B4GALNT3: variants seen among roughly 807,000 people sequenced by gnomAD.
B4GALNT3 encodes the protein beta-1,4-N-acetyl-galactosaminyltransferase 3, also known as beta-1,4-N-acetylgalactosaminyltransferase 3.
Under a neutral mutation model 120.2 loss-of-function variants are expected in B4GALNT3, and 86 were observed. The ratio of observed to expected loss-of-function variants is 0.72; its 90% CI spans 0.60 to 0.86. The LOEUF (loss-of-function observed/expected upper bound fraction) is 0.86. Among genes scored for constraint, B4GALNT3 ranks in the 40% least tolerant of loss-of-function variants. B4GALNT3 has a pLI of 0.00. For missense variants in B4GALNT3, 1,167 were observed against 1,298.9 expected (o/e 0.90, Z 1.56); for synonymous variants, 518 against 510.4 (o/e 1.01, Z -0.20).
intron 1 of B4GALNT3, among the ~76,000 whole-genome samples, chr12:534,791 A>G (rs1327910160): frequency 1.3e-5 from 2 of 152,180 alleles, no homozygotes; most frequent in African/African-American, 4.8e-5. Flanking sequence ...ACTGAGCAGG[A>G]AGGGAAGAGT....
intron 1 of B4GALNT3, among the ~76,000 whole-genome samples, chr12:529,042 C>T (rs1229867448): frequency 1.3e-5 from 2 of 152,184 alleles, no homozygotes; most frequent in Non-Finnish European, 2.9e-5. Flanking sequence ...TGGTGGTGTA[C>T]ATGGAACCAG....
At position 549,828 on chromosome 12, in the gene B4GALNT3, G is replaced by A. The variant is rs1219126307; in HGVS notation, c.913G>A (p.Val305Met). 1.9e-6 allele frequency: 3 copies of A among 1,613,678 alleles called. No homozygotes were observed. The highest frequency in any genetic ancestry group is 2.7e-5 in the African/African-American group (2 of 74,908). The change falls in exon 10 of 20, where the codon GTG becomes ATG. Residue 305 changes from valine (V) to methionine (M), a missense_variant. Physicochemically the swap from Val to Met is conservative, Grantham distance 21. Transcript: ENST00000266383. Reference sequence around the variant, plus strand: ...CATCCCACAGACAGCAGCCAGCCACGTGGACTCCTCCAACGCTCTTCCCAG... The same window carrying A: ...CATCCCACAGACAGCAGCCAGCCACATGGACTCCTCCAACGCTCTTCCCAG... ...GHIPQTAASH[V>M]DSSNALPRDE...
At chr12:506,107 AT>A (rs11302946) in intron 1 of B4GALNT3, among the ~76,000 whole-genome samples, 111,363 of 150,402 alleles carry the variant, frequency 0.74, 41,395 homozygotes, top group East Asian at 0.82. Context: ...TGCAGTTCAG[AT>A]TTTTTTTTTT....
chr12:527,149 A>C (rs1946765574), intron 1 of B4GALNT3, among the ~76,000 whole-genome samples: 1 of 152,030 alleles, frequency 6.6e-6, no homozygotes, highest in Non-Finnish European at 1.5e-5. Flanking sequence ...GCTGGTCTCG[A>C]ACTCTTGAAC....
chr12:536,626 G>C (rs919302598), intron 3 of B4GALNT3, among the ~76,000 whole-genome samples: 6 of 152,194 alleles, frequency 3.9e-5, no homozygotes, highest in Non-Finnish European at 5.9e-5. Flanking sequence ...GGGATTACAG[G>C]TGGGCATTAC....
Position 550,304 on chromosome 12 carries a change from C to G in B4GALNT3, c.997+392C>G, listed in dbSNP as rs914901334. The stretch of plus-strand genomic sequence containing the variant: ...GTGTTAGAGTCTTAATGCATGATTC[C>G]TCTTGGGAGTGTTTACATTTTAAAA... On this transcript the variant is annotated intron_variant, in intron 10 of 19. Coordinates refer to ENST00000266383, the MANE Select transcript of B4GALNT3 (RefSeq NM_173593.4). The surrounding 1 kb of genome is among the most constrained non-coding windows in gnomAD (Gnocchi z 4.1). Among the ~76,000 whole-genome samples, 18 of 152,124 alleles carry G rather than the reference C, an allele frequency of 1.2e-4. No homozygotes were observed. The highest frequency in any genetic ancestry group is 3.9e-4 in the African/African-American group (16 of 41,408).
At chr12:469,700 GCACAGCAA>G (rs1235059837) in intron 1 of B4GALNT3, among the ~76,000 whole-genome samples, 1 of 152,166 alleles carries the variant, frequency 6.6e-6, no homozygotes, top group Admixed American at 6.5e-5. Context: ...GGACACAGAA[GCACAGCAA>G]CTGGGAAGCG....
chr12:470,645 G>A (rs1234183642), intron 1 of B4GALNT3, among the ~76,000 whole-genome samples: 4 of 152,234 alleles, frequency 2.6e-5, no homozygotes, highest in Non-Finnish European at 5.9e-5. Flanking sequence ...GCAGAAGGCA[G>A]GGGACGTTGC....
At chr12:464,130 C>T (rs1023315920) in intron 1 of B4GALNT3, among the ~76,000 whole-genome samples, 2 of 152,138 alleles carry the variant, frequency 1.3e-5, no homozygotes, top group African/African-American at 2.4e-5. Context: ...ACTCAGAGGG[C>T]CTGGGGCAGC....
At chr12:552,833 T>C (rs1003021619) in intron 13 of B4GALNT3, 42 of 491,282 alleles carry the variant, frequency 8.5e-5, no homozygotes, top group African/African-American at 8.0e-4. Context: ...ATTTGGGAGG[T>C]TCTGGTTTAG....
chr12:507,747 G>A (rs1349800307), intron 1 of B4GALNT3, among the ~76,000 whole-genome samples: 1 of 152,230 alleles, frequency 6.6e-6, no homozygotes, highest in Non-Finnish European at 1.5e-5. Context: ...CCAGCTGTAG[G>A]GCCCGTGACT....
intron 3 of B4GALNT3, among the ~76,000 whole-genome samples, chr12:538,450 T>C (rs1946882729): frequency 6.6e-6 from 1 of 151,292 alleles, no homozygotes; most frequent in Admixed American, 6.6e-5. Flanking sequence ...TCCCAGCTAC[T>C]TGGGGGGCTG....
intron 5 of B4GALNT3, 91 bp from the exon 6 acceptor site, chr12:545,278 G>T (rs989516459): frequency 3.2e-5 from 48 of 1,512,980 alleles, no homozygotes; most frequent in Middle Eastern, 1.7e-4. Flanking sequence ...AGCACTGAAG[G>T]GAATTTAATC....
rs1249649290 is a variant in B4GALNT3 at position 460,936 on chromosome 12, G to A, written c.169+391G>A. Reference sequence around the variant, plus strand: ...CCGTGGGGTCCACGCGCGAGCTAGGGATTCGGGTGCGGGATGCCCTCGGCC... The same window carrying A: ...CCGTGGGGTCCACGCGCGAGCTAGGAATTCGGGTGCGGGATGCCCTCGGCC... On this transcript the variant is annotated intron_variant, in intron 1 of 19. Coordinates refer to ENST00000266383, the MANE Select transcript of B4GALNT3 (RefSeq NM_173593.4). This position sits in a 1 kb window ranked among gnomAD's most constrained non-coding sequence, Gnocchi z 8.0. Among the ~76,000 whole-genome samples, 1 of 152,180 alleles carries A rather than the reference G, an allele frequency of 6.6e-6. No individual in the cohort carries two copies. The highest frequency in any genetic ancestry group is 1.5e-5 in the Non-Finnish European group (1 of 68,026).
intron 19 of B4GALNT3, among the ~76,000 whole-genome samples, chr12:560,617 G>A (rs1947218015): frequency 6.6e-6 from 1 of 152,298 alleles, no homozygotes; most frequent in South Asian, 2.1e-4. Flanking sequence ...ATAACTGGGA[G>A]CTCATAAAAA....
intron 1 of B4GALNT3, among the ~76,000 whole-genome samples, chr12:485,615 G>C (rs555960922): frequency 3.3e-5 from 5 of 152,172 alleles, no homozygotes; most frequent in African/African-American, 1.2e-4. Context: ...CCTCAGCTAC[G>C]AATGGGATTG....
At chr12:524,937 T>C (rs1946746839) in intron 1 of B4GALNT3, among the ~76,000 whole-genome samples, 1 of 150,420 alleles carries the variant, frequency 6.6e-6, no homozygotes, top group Non-Finnish European at 1.5e-5. Context: ...GTGTTAAACC[T>C]GCCACTATCT....
chr12:554,789 CAAAAAAAAAAAAAAAA>C (rs57194028), intron 14 of B4GALNT3, among the ~76,000 whole-genome samples: 2 of 33,016 alleles, frequency 6.1e-5, no homozygotes, highest in Admixed American at 4.7e-4. Flanking sequence ...GACTCCGTCT[CAAAAAAAAAAAAAAAA>C]AAAAAAAAAA....
chr12:510,008 C>A (rs747963258), intron 1 of B4GALNT3, among the ~76,000 whole-genome samples: 4 of 152,224 alleles, frequency 2.6e-5, no homozygotes, highest in Non-Finnish European at 5.9e-5. Context: ...TTGTTCCCTT[C>A]CATGGCCGAG....
Sources: allele counts gnomAD v4.1 joint callset (sites outside exome capture counted in the v4.1 genomes callset), GRCh38; gene constraint gnomAD v4.1.1; non-coding constraint Gnocchi (gnomAD v3.1); transcripts MANE v1.5; gene names NCBI Gene and HGNC (gene_info 2026-07-23, HGNC 2026-07-21).